HMGB1: variants seen among roughly 807,000 people sequenced by gnomAD.
The protein encoded by HMGB1 is high mobility group box 1.
For synonymous variants in HMGB1, 81 were observed against 84.0 expected, an observed-to-expected ratio of 0.96 and a Z score of 0.19; for missense variants, 79 against 253.5, an observed-to-expected ratio of 0.31 and a Z score of 4.67.
intron 1 of HMGB1, among the ~76,000 whole-genome samples, chr13:30,509,479 T>TGAGG (rs1339283497): frequency 1.5e-4 from 23 of 152,144 alleles, no homozygotes; most frequent in African/African-American, 5.5e-4. Context: ...CTCAAATTAT[T>TGAGG]CACCTGCCTC....
At chr13:30,485,760 G>T (rs1243277449) in intron 1 of HMGB1, among the ~76,000 whole-genome samples, 2 of 152,138 alleles carry the variant, frequency 1.3e-5, no homozygotes, top group Non-Finnish European at 2.9e-5. Context: ...AGTAACTTAG[G>T]GACGCTTATG....
intron 1 of HMGB1, chr13:30,539,551 T>G (rs759397280): frequency 8.1e-5 from 22 of 273,234 alleles, no homozygotes; most frequent in Non-Finnish European, 1.2e-4. Flanking sequence ...GAGTTTTAAG[T>G]GCCCTTTCTT....
chr13:30,493,662 G>A (rs1228323308), intron 1 of HMGB1, among the ~76,000 whole-genome samples: 1 of 152,134 alleles, frequency 6.6e-6, no homozygotes, highest in Non-Finnish European at 1.5e-5. Context: ...AGCCAGGCGA[G>A]GCGCACACGC....
chr13:30,607,914 A>G (rs2137571362), intron 1 of HMGB1, among the ~76,000 whole-genome samples: 1 of 152,328 alleles, frequency 6.6e-6, no homozygotes, highest in African/African-American at 2.4e-5. Context: ...ATACAGTGAA[A>G]TTAACATGTT....
chr13:30,608,074 T>C (rs1950477944), intron 1 of HMGB1, among the ~76,000 whole-genome samples: 1 of 152,138 alleles, frequency 6.6e-6, no homozygotes, highest in Admixed American at 6.5e-5. Context: ...TGAAAGACAC[T>C]GTGGTTTCTG....
intron 1 of HMGB1, among the ~76,000 whole-genome samples, chr13:30,471,378 A>C (rs1886924127): frequency 6.7e-6 from 1 of 148,688 alleles, no homozygotes; most frequent in African/African-American, 2.5e-5. Flanking sequence ...ACGGGGTTTC[A>C]CTCTTGTTGC....
At chr13:30,581,190 A>C (rs1870887094) in intron 1 of HMGB1, among the ~76,000 whole-genome samples, 2 of 152,230 alleles carry the variant, frequency 1.3e-5, no homozygotes, top group South Asian at 4.1e-4. Flanking sequence ...AGGGAATCAG[A>C]TCCAGAAAGT....
chr13:30,463,356 CA>C lies in HMGB1; in HGVS notation c.151-5del. ...CTTTCTCTTTAGCAGACATGGTCTACAAAATAATTATTTGTAAGTTTAAGTT... is the reference window on the plus strand; with the variant it reads ...CTTTCTCTTTAGCAGACATGGTCTACAAATAATTATTTGTAAGTTTAAGTT... On this transcript the variant is annotated splice_polypyrimidine_tract_variant and splice_region_variant and intron_variant, in intron 2 of 4. Transcript: ENST00000341423. 1 of 1,590,254 alleles carries C rather than the reference CA, an allele frequency of 6.3e-7. No individual in the cohort carries two copies. Among genetic ancestry groups the C allele is most frequent in the Non-Finnish European group, 8.5e-7 (1 of 1,172,080 alleles).
At chr13:30,571,972 C>T (rs1870453979) in intron 1 of HMGB1, among the ~76,000 whole-genome samples, 1 of 152,140 alleles carries the variant, frequency 6.6e-6, no homozygotes, top group South Asian at 2.1e-4. Context: ...TGTGAGACTA[C>T]ACCTGAGGCA....
chr13:30,572,699 A>G (rs894388531), intron 1 of HMGB1, among the ~76,000 whole-genome samples: 3 of 152,244 alleles, frequency 2.0e-5, no homozygotes, highest in African/African-American at 7.2e-5. Context: ...AATGAAATAC[A>G]TTTTAATACA....
chr13:30,535,523 C>T (rs1868386823), intron 1 of HMGB1, among the ~76,000 whole-genome samples: 1 of 152,202 alleles, frequency 6.6e-6, no homozygotes, highest in Non-Finnish European at 1.5e-5. Context: ...GGATTAATTG[C>T]TTCAGCAGGA....
chr13:30,469,019 G>A (rs571535467), upstream of HMGB1, among the ~76,000 whole-genome samples: 10 of 151,974 alleles, frequency 6.6e-5, no homozygotes, highest in Middle Eastern at 3.4e-3. Context: ...TCAGCCTCCC[G>A]AGTAGCTGGG....
chr13:30,497,073 T>A (rs1245124167), intron 1 of HMGB1, among the ~76,000 whole-genome samples: 1 of 152,158 alleles, frequency 6.6e-6, no homozygotes, highest in South Asian at 2.1e-4. Context: ...AGTCATCTCA[T>A]TTTCCAAAAT....
chr13:30,592,687 C>T (rs1047844339), intron 1 of HMGB1, among the ~76,000 whole-genome samples: 1 of 151,732 alleles, frequency 6.6e-6, no homozygotes, highest in African/African-American at 2.4e-5. Context: ...CTCAAAGCAT[C>T]TTTCTTAAAT....
Position 30,526,886 on chromosome 13 carries a change from GT to G in HMGB1, c.-14-63193del, listed in dbSNP as rs370583036. On this transcript the variant is annotated intron_variant, in intron 1 of 4. Coordinates refer to the HMGB1 transcript ENST00000405805. ...TAATGATTTAGCAGCACTTGGCACTGTTTTGTCTCAGATCACAATCAGCCTG... is the reference window on the plus strand; with the variant it reads ...TAATGATTTAGCAGCACTTGGCACTGTTTGTCTCAGATCACAATCAGCCTG... Among the ~76,000 whole-genome samples, 35 of 152,378 alleles carry G rather than the reference GT, an allele frequency of 2.3e-4. No homozygotes were observed. In the East Asian group the frequency reaches 2.9e-3, roughly 13 times the overall value.
At chr13:30,539,391 T>C (rs1383192012) in intron 1 of HMGB1, among the ~76,000 whole-genome samples, 1 of 152,258 alleles carries the variant, frequency 6.6e-6, no homozygotes, top group African/African-American at 2.4e-5. Flanking sequence ...AGATGTGGCC[T>C]CGGCAGCTTA....
At chr13:30,492,862 G>T (rs1887527843) in intron 1 of HMGB1, among the ~76,000 whole-genome samples, 1 of 151,700 alleles carries the variant, frequency 6.6e-6, no homozygotes, top group African/African-American at 2.4e-5. Flanking sequence ...GTGGTAGCGT[G>T]GGCCTGTAGT....
At chr13:30,503,754 A>G (rs555013766) in intron 1 of HMGB1, among the ~76,000 whole-genome samples, 4 of 151,800 alleles carry the variant, frequency 2.6e-5, no homozygotes, top group African/African-American at 9.7e-5. Flanking sequence ...AGGGAAAACA[A>G]TAATAAAGGT....
At position 30,458,752 on chromosome 13, in the gene HMGB1, T is replaced by C. The variant is rs759179118; in HGVS notation, c.*2605A>G. 14 of 152,348 alleles carry C rather than the reference T, an allele frequency of 9.2e-5. No individual in the cohort carries two copies. Among genetic ancestry groups the C allele is most frequent in the Admixed American group, 5.9e-4 (9 of 15,304 alleles). The allele number at this position is 152,348 out of a possible 1,614,324, so 9.4% of individuals were successfully genotyped here. ...GTTACATGGGCGCTTTTCTTATCTT[T>C]ATCATTTAATCATTACCCCTCGGGT... On this transcript the variant is annotated 3_prime_UTR_variant, in exon 5 of 5. Transcript: ENST00000341423.
Sources: gnomAD v4.1 joint callset for allele counts (sites outside exome capture counted in the v4.1 genomes callset) on GRCh38, gnomAD v4.1.1 for gene constraint, MANE v1.5 for transcripts, NCBI Gene and HGNC (gene_info 2026-07-23, HGNC 2026-07-21) for gene names.